Variants in PHLPP1 observed in about 807,000 individuals in gnomAD.
PHLPP1 encodes the protein PH domain and leucine rich repeat protein phosphatase 1, also known as PH domain leucine-rich repeat-containing protein phosphatase 1.
In PHLPP1, 42 loss-of-function variants were observed where a neutral mutation model predicts 117.2. The ratio of observed to expected loss-of-function variants is 0.36; its 90% CI spans 0.28 to 0.46. PHLPP1 has a LOEUF of 0.46. PHLPP1 is among the 20% of genes least tolerant of loss of function. The pLI, the probability that PHLPP1 is intolerant of heterozygous loss-of-function variation, is 1.00. For missense variants in PHLPP1, 2,084 were observed against 2,241.9 expected, an observed-to-expected ratio of 0.93 and a Z score of 1.42; for synonymous variants, 1,042 against 970.7, an observed-to-expected ratio of 1.07 and a Z score of -1.37.
At chr18:62,843,253 A>G (rs1282265606) in intron 3 of PHLPP1, among the ~76,000 whole-genome samples, 2 of 152,226 alleles carry the variant, frequency 1.3e-5, no homozygotes, top group African/African-American at 4.8e-5. Context: ...AACAACAGGA[A>G]CAAAAGTTTC....
chr18:62,864,077 A>G (rs1372999325), intron 4 of PHLPP1, among the ~76,000 whole-genome samples: 2 of 151,808 alleles, frequency 1.3e-5, no homozygotes, highest in African/African-American at 2.4e-5. Context: ...ACTGGAGTGC[A>G]GTGGCACAGT....
rs1911751728 is a variant in PHLPP1 at position 62,748,671 on chromosome 18, T to C, written c.1576+31412T>C. 2.0e-5 allele frequency among the ~76,000 whole-genome samples: 3 copies of C among 152,318 alleles called. No individual in the cohort carries two copies. In the South Asian group the frequency reaches 6.2e-4, roughly 32 times the overall value. On this transcript the variant is annotated intron_variant, in intron 1 of 16. Coordinates refer to ENST00000262719, the MANE Select transcript of PHLPP1 (RefSeq NM_194449.4). ...TGCTTGATATTAATATGATGATAGCTTTTTTGGGTTACTGTTTACTTGGTA... is the reference window on the plus strand; with the variant it reads ...TGCTTGATATTAATATGATGATAGCCTTTTTGGGTTACTGTTTACTTGGTA...
chr18:62,726,583 C>CTTTTTTTTTTTT (rs869190741), intron 1 of PHLPP1, among the ~76,000 whole-genome samples: 3 of 110,044 alleles, frequency 2.7e-5, no homozygotes, highest in Non-Finnish European at 3.7e-5. Context: ...CTGTTCTGTT[C>CTTTTTTTTTTTT]TTTTTTTTTT....
chr18:62,716,976 C>G lies in PHLPP1; in HGVS notation c.1293C>G (p.Arg431=), dbSNP rs1294714583. The stretch of plus-strand genomic sequence containing the variant: ...TTGACAGCCCGGGCGGGGCCGTCCG[C>G]GAGGGGTCGTGCGAGGAGAAGGCAG... ...RAIDSPGGAV[R]EGSCEEKAAA... Residue 431 remains arginine (R), a synonymous_variant, in exon 1 of 17, where the codon CGC becomes CGG. Coordinates refer to ENST00000262719, the MANE Select transcript of PHLPP1 (RefSeq NM_194449.4). This position sits in a 1 kb window ranked among gnomAD's most constrained non-coding sequence, Gnocchi z 5.7. 1.3e-6 allele frequency: 2 copies of G among 1,540,748 alleles called. No individual in the cohort carries two copies. The highest frequency in any genetic ancestry group is 2.7e-5 in the African/African-American group (2 of 72,902).
chr18:62,802,006 G>A (rs9962952), intron 1 of PHLPP1, among the ~76,000 whole-genome samples: 4 of 141,702 alleles, frequency 2.8e-5, no homozygotes, highest in Non-Finnish European at 4.8e-5. Context: ...TTTTTTAACC[G>A]TTTTTTCCTT....
chr18:62,812,332 T>C (rs1016196252), intron 1 of PHLPP1, among the ~76,000 whole-genome samples: 1 of 152,322 alleles, frequency 6.6e-6, no homozygotes, highest in Admixed American at 6.5e-5. Context: ...GATAAAAGCA[T>C]GTCACAGTGA....
intron 1 of PHLPP1, among the ~76,000 whole-genome samples, chr18:62,764,454 A>T (rs1413111635): frequency 6.7e-6 from 1 of 149,104 alleles, no homozygotes; most frequent in African/African-American, 2.5e-5. Context: ...CAAAATGGGG[A>T]TGCTAGTCAC....
In PHLPP1 at chr18:62,716,622, G is replaced by T. The variant is rs896354097; in HGVS notation, c.939G>T (p.Ser313=). The T allele has an allele frequency of 3.8e-6, 5 of 1,306,188 alleles. No homozygotes were observed. In the African/African-American group the frequency reaches 7.8e-5, roughly 20 times the overall value. The allele number at this position is 1,306,188 out of a possible 1,614,324, so 80.9% of individuals were successfully genotyped here. A position where few individuals can be genotyped will look rare whatever the true frequency, so the allele number is the denominator to read the frequency against. ...PLPVGGPGGW[S]RRASPAPSDS... is the part of the protein sequence containing the mutation. The stretch of plus-strand genomic sequence containing the variant: ...CCGTCGGCGGCCCGGGCGGGTGGTC[G>T]CGCCGCGCCAGCCCAGCGCCCTCGG... The change falls in exon 1 of 17, where the codon TCG becomes TCT. Residue 313 remains serine, a synonymous_variant. Transcript: ENST00000262719. This position sits in a 1 kb window ranked among gnomAD's most constrained non-coding sequence, Gnocchi z 5.7.
intron 1 of PHLPP1, among the ~76,000 whole-genome samples, chr18:62,812,186 C>T (rs572650726): frequency 4.7e-4 from 72 of 152,204 alleles, no homozygotes; most frequent in African/African-American, 1.5e-3. Flanking sequence ...AAATATAGTT[C>T]GTTTTTTCAC....
At chr18:62,834,356 G>GAATA (rs1914833760) in intron 2 of PHLPP1, among the ~76,000 whole-genome samples, 1 of 152,126 alleles carries the variant, frequency 6.6e-6, no homozygotes, top group Non-Finnish European at 1.5e-5. Context: ...AGTGATTGGT[G>GAATA]AATAACATTA....
chr18:62,839,302 A>G, intron 3 of PHLPP1: 1 of 169,262 alleles, frequency 5.9e-6, no homozygotes, highest in Non-Finnish European at 1.3e-5. Context: ...TAAATAGTCT[A>G]ATATTATACC....
chr18:62,888,287 ATGTGTGTGTGTGTG>A lies in PHLPP1; in HGVS notation c.2067-6690_2067-6677del, dbSNP rs200659921. Among the ~76,000 whole-genome samples the A allele has an allele frequency of 2.0e-3, 264 of 130,896 alleles. 4 individuals carry two copies. The East Asian group carries it at 0.027, about 14-fold the overall frequency. The allele number at this position is 130,896 out of a possible 152,430, so 85.9% of individuals were successfully genotyped here. A position where few individuals can be genotyped will look rare whatever the true frequency, so the allele number is the denominator to read the frequency against. ...AGAATTATTTAAAATATTTCACAAA[ATGTGTGTGTGTGTG>A]TGTGTGTGTGTGTGTGTGTGTGTGT... On this transcript the variant is annotated intron_variant, in intron 4 of 16. Coordinates refer to ENST00000262719, the MANE Select transcript of PHLPP1 (RefSeq NM_194449.4).
chr18:62,807,948 A>T (rs1913998018), intron 1 of PHLPP1, among the ~76,000 whole-genome samples: 1 of 152,192 alleles, frequency 6.6e-6, no homozygotes, highest in Non-Finnish European at 1.5e-5. Context: ...CTTAGGCTAC[A>T]CTAAATTTAT....
chr18:62,761,126 A>G (rs1226167100), intron 1 of PHLPP1, among the ~76,000 whole-genome samples: 1 of 151,848 alleles, frequency 6.6e-6, no homozygotes, highest in South Asian at 2.1e-4. Flanking sequence ...TGGCCTCCCA[A>G]AGTGCTGGGA....
At chr18:62,968,529 C>CTTTTTTTTTT (rs34849907) in intron 14 of PHLPP1, among the ~76,000 whole-genome samples, 1 of 51,778 alleles carries the variant, frequency 1.9e-5, no homozygotes, top group Non-Finnish European at 3.8e-5. Flanking sequence ...CATTATTAGG[C>CTTTTTTTTTT]TTTTTTTTTT....
chr18:62,918,626 C>G (rs1057057158), intron 9 of PHLPP1, among the ~76,000 whole-genome samples: 1 of 151,916 alleles, frequency 6.6e-6, no homozygotes, highest in Non-Finnish European at 1.5e-5. Flanking sequence ...AGACAGGTTG[C>G]TAGCATCTTT....
rs1318460713 is a variant in PHLPP1 at position 62,836,205 on chromosome 18, G to A, written c.1774-2579G>A. On this transcript the variant is annotated intron_variant, in intron 2 of 16. Transcript: ENST00000262719. ...TAATCCCAGCACTTGAGAGGCTGAG[G>A]CGGGTTGATCACGAGGTCAGGAGTT... Among the ~76,000 whole-genome samples, 3 of 151,718 alleles carry A rather than the reference G, an allele frequency of 2.0e-5. No individual in the cohort carries two copies. The East Asian group carries it at 5.8e-4, about 29-fold the overall frequency.
At chr18:62,874,651 ACGCG>A (rs141876253) in intron 4 of PHLPP1, among the ~76,000 whole-genome samples, 3 of 134,210 alleles carry the variant, frequency 2.2e-5, no homozygotes, top group Non-Finnish European at 3.2e-5. Context: ...GCGCGCACGC[ACGCG>A]CGCACACACA....
intron 10 of PHLPP1, among the ~76,000 whole-genome samples, chr18:62,934,226 C>A (rs2144443565): frequency 6.6e-6 from 1 of 152,138 alleles, no homozygotes; most frequent in African/African-American, 2.4e-5. Flanking sequence ...AATATGTACC[C>A]AAAGGAAAAG....
Sources: gnomAD v4.1 joint callset for allele counts (sites outside exome capture counted in the v4.1 genomes callset) on GRCh38, gnomAD v4.1.1 for gene constraint, Gnocchi (gnomAD v3.1) non-coding constraint, MANE v1.5 for transcripts, NCBI Gene and HGNC (gene_info 2026-07-23, HGNC 2026-07-21) for gene names.